The following KIAA1328 variants were observed in gnomAD, a reference collection of about 807,000 sequenced individuals.
KIAA1328 encodes the protein protein hinderin.
A neutral mutation model predicts 68.1 loss-of-function variants in KIAA1328; 52 were observed. The observed-to-expected ratio is 0.76, with a 90% CI of 0.61 to 0.96. The LOEUF (loss-of-function observed/expected upper bound fraction) is 0.96. Among genes scored for constraint, KIAA1328 ranks in the 40% least tolerant of loss-of-function variants. The pLI, the probability that KIAA1328 is intolerant of heterozygous loss-of-function variation, is 0.00. For synonymous variants in KIAA1328, 232 were observed against 239.4 expected, an observed-to-expected ratio of 0.97 and a Z score of 0.28; for missense variants, 641 against 677.6, an observed-to-expected ratio of 0.95 and a Z score of 0.60.
At chr18:36,909,121 G>A (rs2049330087) in intron 5 of KIAA1328, among the ~76,000 whole-genome samples, 1 of 152,000 alleles carries the variant, frequency 6.6e-6, no homozygotes, top group Admixed American at 6.6e-5. Flanking sequence ...AAGCTGAAGT[G>A]ATAGCTAATA....
At chr18:37,193,560 C>T (rs1307552458) in intron 9 of KIAA1328, 9 of 702,294 alleles carry the variant, frequency 1.3e-5, no homozygotes, top group Non-Finnish European at 2.1e-5. Context: ...CCTTGAACCA[C>T]TCATGGACAT....
At chr18:37,216,198 T>C (rs1198795581) in intron 9 of KIAA1328, among the ~76,000 whole-genome samples, 4 of 152,240 alleles carry the variant, frequency 2.6e-5, no homozygotes, top group African/African-American at 9.6e-5. Flanking sequence ...GTTTTGAATT[T>C]GTTTGCTCTT....
chr18:37,067,131 C>T lies in KIAA1328; in HGVS notation c.818C>T (p.Ser273Phe). 1 of 1,614,006 alleles carries T rather than the reference C, an allele frequency of 6.2e-7. No homozygotes were observed. Among genetic ancestry groups the T allele is most frequent in the African/African-American group, 1.3e-5 (1 of 75,044 alleles). The change falls in exon 7 of 10, where the codon TCT (serine) becomes TTT (phenylalanine). Residue 273 changes from serine (S) to phenylalanine (F), a missense_variant. By Grantham distance (155) the Ser-to-Phe change is radical. Transcript: ENST00000280020. ...PSETTTCNCE[S>F]PGRKPAVPTE... Reference sequence around the variant, plus strand: ...GAGACCACAACATGTAATTGTGAATCTCCAGGGAGAAAACCTGCAGTCCCA... The same window carrying T: ...GAGACCACAACATGTAATTGTGAATTTCCAGGGAGAAAACCTGCAGTCCCA...
intron 9 of KIAA1328, among the ~76,000 whole-genome samples, chr18:37,217,234 T>A (rs560500231): frequency 1.3e-5 from 2 of 152,136 alleles, no homozygotes; most frequent in Non-Finnish European, 2.9e-5. Flanking sequence ...GTTATTTTGC[T>A]CGTAGTTGAT....
chr18:36,940,489 G>A lies in KIAA1328; in HGVS notation c.449-18819G>A, dbSNP rs190565729. On this transcript the variant is annotated intron_variant, in intron 5 of 9. Transcript: ENST00000280020. ...TGTACTTTGATAAGAAAGGTATGCC[G>A]TTGACAAAGCTTGCTGTAGTTGTGA... Among the ~76,000 whole-genome samples, 171 of 152,230 alleles carry A rather than the reference G, an allele frequency of 1.1e-3. 3 individuals carry two copies. The highest frequency in any genetic ancestry group is 4.0e-3 in the African/African-American group (166 of 41,532).
chr18:37,086,774 A>AGT (rs1426681249), intron 7 of KIAA1328, among the ~76,000 whole-genome samples: 2 of 152,218 alleles, frequency 1.3e-5, no homozygotes, highest in African/African-American at 4.8e-5. Context: ...GCCATTAAGA[A>AGT]GTGTGTTGCA....
chr18:37,145,168 G>C (rs1482015554), intron 7 of KIAA1328, among the ~76,000 whole-genome samples: 2 of 151,814 alleles, frequency 1.3e-5, no homozygotes, highest in Non-Finnish European at 2.9e-5. Context: ...TCGCACCACT[G>C]CATTCCTACC....
chr18:36,893,068 A>T (rs2048742590), intron 5 of KIAA1328, among the ~76,000 whole-genome samples: 1 of 152,128 alleles, frequency 6.6e-6, no homozygotes, highest in African/African-American at 2.4e-5. Context: ...TATTTTTTGA[A>T]ATTATATAAA....
intron 9 of KIAA1328, among the ~76,000 whole-genome samples, chr18:37,186,201 A>G (rs188122236): frequency 1.4e-5 from 2 of 140,976 alleles, no homozygotes; most frequent in South Asian, 2.2e-4. Context: ...GGTACAAGGG[A>G]TTCTCCTGCC....
At chr18:37,006,633 G>A (rs1337218626) in intron 6 of KIAA1328, among the ~76,000 whole-genome samples, 2 of 151,842 alleles carry the variant, frequency 1.3e-5, no homozygotes, top group African/African-American at 4.8e-5. Flanking sequence ...CCATTAACTC[G>A]TCATTTACAT....
chr18:36,880,572 T>C (rs2048296742), intron 4 of KIAA1328, among the ~76,000 whole-genome samples: 1 of 152,242 alleles, frequency 6.6e-6, no homozygotes, highest in African/African-American at 2.4e-5. Flanking sequence ...CTTGTGTTAT[T>C]GCACTGGCTA....
At chr18:36,953,373 TATAGATAGATAGATAGATAGATAGATAG>T (rs10617798) in intron 5 of KIAA1328, among the ~76,000 whole-genome samples, 1 of 140,712 alleles carries the variant, frequency 7.1e-6, no homozygotes, top group Non-Finnish European at 1.5e-5. Flanking sequence ...TGCCAACAAC[TATAGATAGATAGATAGATAGATAGATAG>T]ATAGATAGAT....
intron 7 of KIAA1328, among the ~76,000 whole-genome samples, chr18:37,087,693 C>T (rs1025111292): frequency 6.6e-6 from 1 of 152,100 alleles, no homozygotes; most frequent in Non-Finnish European, 1.5e-5. Context: ...TGCTACTATC[C>T]ATAGATTTTC....
chr18:37,007,521 C>T lies in KIAA1328; in HGVS notation c.576+48086C>T, dbSNP rs763359499. On this transcript the variant is annotated intron_variant, in intron 6 of 9. Coordinates refer to ENST00000280020, the MANE Select transcript of KIAA1328 (RefSeq NM_020776.3). ...ACAAATGAGAACAGTTGCAAGAAAG[C>T]GTGCTGGTAATATATACTCTAAAAT... is the stretch of plus-strand genomic sequence containing the variant. Among the ~76,000 whole-genome samples the T allele has an allele frequency of 3.9e-5, 6 of 152,070 alleles. No homozygotes were observed. In the East Asian group the frequency reaches 7.7e-4, roughly 20 times the overall value.
intron 6 of KIAA1328, among the ~76,000 whole-genome samples, chr18:37,062,740 C>T (rs1911722166): frequency 6.6e-6 from 1 of 152,122 alleles, no homozygotes; most frequent in South Asian, 2.1e-4. Flanking sequence ...CAGGCGTGAG[C>T]CACCGCGCCC....
intron 8 of KIAA1328, among the ~76,000 whole-genome samples, chr18:37,165,548 T>C (rs1302540653): frequency 1.3e-5 from 2 of 151,224 alleles, no homozygotes; most frequent in Non-Finnish European, 2.9e-5. Flanking sequence ...GCCTCCTGAG[T>C]AGCTGGGATT....
chr18:37,040,270 C>T (rs536305329), intron 6 of KIAA1328, among the ~76,000 whole-genome samples: 18 of 152,278 alleles, frequency 1.2e-4, no homozygotes, highest in Non-Finnish European at 2.4e-4. Flanking sequence ...TGACTACTTA[C>T]GAGTCTATTC....
intron 6 of KIAA1328, among the ~76,000 whole-genome samples, chr18:36,964,535 T>C (rs540334358): frequency 3.9e-5 from 6 of 152,332 alleles, no homozygotes; most frequent in Non-Finnish European, 7.4e-5. Flanking sequence ...GATTTTTGTT[T>C]TTGACATCTG....
chr18:36,862,638 A>G (rs1489675510), intron 4 of KIAA1328, among the ~76,000 whole-genome samples: 5 of 152,214 alleles, frequency 3.3e-5, no homozygotes, highest in African/African-American at 1.2e-4. Context: ...CTCCAGTGTT[A>G]TAAATGAAGC....
Sources: gnomAD v4.1 joint callset for allele counts (sites outside exome capture counted in the v4.1 genomes callset) on GRCh38, gnomAD v4.1.1 for gene constraint, MANE v1.5 for transcripts, NCBI Gene and HGNC (gene_info 2026-07-23, HGNC 2026-07-21) for gene names.